Variants in UGT1A9 observed in about 807,000 individuals in gnomAD.
UGT1A9 encodes UDP glucuronosyltransferase family 1 member A9, also known as UDP-glucuronosyltransferase 1A9.
A neutral mutation model predicts 45.0 loss-of-function variants in UGT1A9; 35 were observed. The ratio of observed to expected loss-of-function variants is 0.78; its 90% CI spans 0.59 to 1.03. The LOEUF is 1.03. UGT1A9 is among the 50% of genes least tolerant of loss of function. The pLI, the probability that UGT1A9 is intolerant of heterozygous loss-of-function variation, is 0.00. For missense variants in UGT1A9, 687 were observed against 666.6 expected (o/e 1.03, Z -0.34); for synonymous variants, 278 against 250.6 (o/e 1.11, Z -1.03).
chr2:233,683,036 T>C (rs1001644335), intron 1 of UGT1A9, among the ~76,000 whole-genome samples: 1 of 152,182 alleles, frequency 6.6e-6, no homozygotes, highest in African/African-American at 2.4e-5. Context: ...ATCTAAATGC[T>C]ATTTTTGGAA....
Position 233,672,110 on chromosome 2 carries a change from T to G in UGT1A9, c.176T>G (p.Met59Arg), listed in dbSNP as rs769146316. 1.0e-4 allele frequency: 165 copies of G among 1,614,060 alleles called. No homozygotes were observed. Among genetic ancestry groups the G allele is most frequent in the Non-Finnish European group, 1.3e-4 (153 of 1,180,024 alleles). Residue 59 changes from methionine (M) to arginine (R), a missense_variant, in exon 1 of 5, where the codon ATG becomes AGG. Met to Arg is a moderately conservative substitution (Grantham distance 91, BLOSUM62 -1). Transcript: ENST00000354728. ...ILRGHEVVVV[M>R]PEVSWQLGRS... is the part of the protein sequence containing the mutation. ...AGGGGGCATGAGGTGGTTGTAGTCA[T>G]GCCAGAGGTGAGTTGGCAACTGGGA...
intron 1 of UGT1A9, among the ~76,000 whole-genome samples, chr2:233,684,329 C>T (rs2074674843): frequency 6.6e-6 from 1 of 152,170 alleles, no homozygotes; most frequent in Non-Finnish European, 1.5e-5. Context: ...TTGTAGGACG[C>T]TAAGAGGATA....
At chr2:233,688,907 G>A (rs982002895) in intron 1 of UGT1A9, among the ~76,000 whole-genome samples, 2 of 152,096 alleles carry the variant, frequency 1.3e-5, no homozygotes, top group Non-Finnish European at 2.9e-5. Context: ...TTGGGGGGAT[G>A]GTGTGCCAAG....
Position 233,769,206 on chromosome 2 carries a change from G to A in UGT1A9, c.1295+767G>A, listed in dbSNP as rs1699814631. 6.6e-6 allele frequency among the ~76,000 whole-genome samples: 1 copy of A among 152,206 alleles called. No homozygotes were observed. Among genetic ancestry groups the A allele is most frequent in the South Asian group, 2.1e-4 (1 of 4,832 alleles). On this transcript the variant is annotated intron_variant, in intron 4 of 4. Coordinates refer to ENST00000354728, the MANE Select transcript of UGT1A9 (RefSeq NM_021027.3). This position sits in a 1 kb window ranked among gnomAD's most constrained non-coding sequence, Gnocchi z 4.4. The stretch of plus-strand genomic sequence containing the variant: ...AATGAAGGAGCTATAAGATATCACA[G>A]ACAAAGTCTTAGAATAAGAGCAAAG...
intron 1 of UGT1A9, among the ~76,000 whole-genome samples, chr2:233,764,866 A>AAAAGGGAGG (rs45477695): frequency 0.13 from 19,804 of 152,100 alleles, 1,413 homozygotes; most frequent in East Asian, 0.2. Context: ...CTTTTAGATG[A>AAAAGGGAGG]GCCCAAGGGA....
At chr2:233,724,484 G>T (rs1426827388) in intron 1 of UGT1A9, among the ~76,000 whole-genome samples, 3 of 77,008 alleles carry the variant, frequency 3.9e-5, no homozygotes, top group Admixed American at 1.3e-4. Flanking sequence ...CTTCTCAGAC[G>T]GGGCGGCCGG....
chr2:233,703,013 G>T lies in UGT1A9; in HGVS notation c.855+30224G>T, dbSNP rs144391169. ...CTCTTCTATTTTTTGGGAACAGTCT[G>T]TCAAGAATTGGTATTCATTCTTTAC... is the stretch of plus-strand genomic sequence containing the variant. On this transcript the variant is annotated intron_variant, in intron 1 of 4. Coordinates refer to ENST00000354728, the MANE Select transcript of UGT1A9 (RefSeq NM_021027.3). Among the ~76,000 whole-genome samples, 828 of 152,308 alleles carry T rather than the reference G, an allele frequency of 5.4e-3. 6 individuals carry two copies. The highest frequency in any genetic ancestry group is 0.019 in the African/African-American group (788 of 41,570).
intron 1 of UGT1A9, among the ~76,000 whole-genome samples, chr2:233,727,296 G>A (rs1359558344): frequency 1.3e-5 from 2 of 152,036 alleles, no homozygotes; most frequent in Non-Finnish European, 2.9e-5. Context: ...TGATGACTTG[G>A]GCAGCTCCTT....
At chr2:233,716,666 G>A (rs1298911663) in intron 1 of UGT1A9, among the ~76,000 whole-genome samples, 1 of 152,050 alleles carries the variant, frequency 6.6e-6, no homozygotes, top group East Asian at 1.9e-4. Flanking sequence ...AGGAAGCTTT[G>A]TTTACCCCAA....
chr2:233,680,731 T>C (rs188576651), intron 1 of UGT1A9, among the ~76,000 whole-genome samples: 1 of 151,888 alleles, frequency 6.6e-6, no homozygotes, highest in African/African-American at 2.4e-5. Context: ...GGGTGCTCGG[T>C]AGAATGGAGG....
At chr2:233,707,925 A>G (rs4663326) in intron 1 of UGT1A9, among the ~76,000 whole-genome samples, 13,554 of 152,258 alleles carry the variant, frequency 0.089, 755 homozygotes, top group South Asian at 0.2. Context: ...GTTTTAAAAT[A>G]TACTTATCAG....
intron 1 of UGT1A9, chr2:233,682,150 T>A: frequency 6.2e-7 from 1 of 1,614,172 alleles, no homozygotes; most frequent in Non-Finnish European, 8.5e-7. Context: ...GATCACTGAA[T>A]TGCACAGTGA....
intron 1 of UGT1A9, among the ~76,000 whole-genome samples, chr2:233,699,961 C>T (rs767671450): frequency 6.6e-6 from 1 of 152,132 alleles, no homozygotes; most frequent in Non-Finnish European, 1.5e-5. Flanking sequence ...GTGAAAAATA[C>T]CCGTCCCCCA....
intron 1 of UGT1A9, chr2:233,722,122 T>A (rs1395891774): frequency 5.5e-6 from 1 of 183,338 alleles, no homozygotes; most frequent in African/African-American, 2.3e-5. Context: ...ATCATCATCA[T>A]TAGTAGAGTT....
At position 233,723,541 on chromosome 2, in the gene UGT1A9, TA is replaced by T. The variant is rs1455161715; in HGVS notation, c.856-43492del. 2.1e-4 allele frequency among the ~76,000 whole-genome samples: 28 copies of T among 134,814 alleles called. No individual in the cohort carries two copies. The East Asian group carries it at 3.0e-3, about 15-fold the overall frequency. 88.4% of individuals were successfully genotyped at this position (134,814 alleles called of 152,430 possible). Reference sequence around the variant, plus strand: ...CTTTTTTTTTTTTTTTTTTTTAATTTATTTTTTTATTGATAATTCTTGGGTG... The same window carrying T: ...CTTTTTTTTTTTTTTTTTTTTAATTTTTTTTTTATTGATAATTCTTGGGTG... On this transcript the variant is annotated intron_variant, in intron 1 of 4. Transcript: ENST00000354728.
intron 1 of UGT1A9, among the ~76,000 whole-genome samples, chr2:233,757,896 C>T (rs1297679272): frequency 6.6e-6 from 1 of 152,080 alleles, no homozygotes; most frequent in Non-Finnish European, 1.5e-5. Flanking sequence ...GAAACACTTT[C>T]CATGGACGTG....
At chr2:233,719,385 A>C in intron 1 of UGT1A9, 1 of 1,613,980 alleles carries the variant, frequency 6.2e-7, no homozygotes, top group Non-Finnish European at 8.5e-7. Flanking sequence ...ACAGTGTCCA[A>C]ATCCTTCCTC....
At chr2:233,749,926 G>T (rs946076967) in intron 1 of UGT1A9, among the ~76,000 whole-genome samples, 1 of 151,912 alleles carries the variant, frequency 6.6e-6, no homozygotes, top group African/African-American at 2.4e-5. Flanking sequence ...GTCAATTAAA[G>T]CTCTTTCCTT....
intron 1 of UGT1A9, among the ~76,000 whole-genome samples, chr2:233,759,294 C>T (rs1363540933): frequency 6.6e-6 from 1 of 152,134 alleles, no homozygotes; most frequent in Admixed American, 6.5e-5. Flanking sequence ...TGAAGCTGAG[C>T]CCTGAGTGGC....
Sources: gnomAD v4.1 joint callset for allele counts (sites outside exome capture counted in the v4.1 genomes callset) on GRCh38, gnomAD v4.1.1 for gene constraint, Gnocchi (gnomAD v3.1) non-coding constraint, MANE v1.5 for transcripts, NCBI Gene and HGNC (gene_info 2026-07-23, HGNC 2026-07-21) for gene names.